The following WDR53 variants were observed in gnomAD, a reference collection of about 807,000 sequenced individuals.
WDR53 encodes WD repeat-containing protein 53.
In WDR53, 19 loss-of-function variants were observed where a neutral mutation model predicts 21.3. That is an observed-to-expected ratio of 0.89 (90% CI 0.62 to 1.31). The LOEUF is 1.31. Ranked by LOEUF, WDR53 falls within the 50% of genes most tolerant of loss-of-function variation. The pLI is 0.00. For synonymous variants in WDR53, 157 were observed against 163.4 expected (o/e 0.96, Z 0.30); for missense variants, 374 against 423.2 (o/e 0.88, Z 1.02).
Position 196,561,413 on chromosome 3 carries a change from T to C in WDR53, c.63A>G (p.Glu21=). Residue 21 remains glutamate, a synonymous_variant, in exon 3 of 4, where the codon GAA becomes GAG. Coordinates refer to ENST00000332629, the MANE Select transcript of WDR53 (RefSeq NM_182627.3). ...CCTCTGCTCCAGAAGCCAGCAGCCC[T>C]TCTTTACTTGCATTCAGGCAGAGGA... ...SPVLCLNASK[E]GLLASGAEGG... The C allele has an allele frequency of 6.2e-7, 1 of 1,614,098 alleles. No homozygotes were observed. Among genetic ancestry groups the C allele is most frequent in the Non-Finnish European group, 8.5e-7 (1 of 1,180,008 alleles).
At chr3:196,567,570 AGTT>A (rs1156689118) in intron 1 of WDR53, among the ~76,000 whole-genome samples, 1 of 152,072 alleles carries the variant, frequency 6.6e-6, no homozygotes, top group African/African-American at 2.4e-5. Context: ...CAGCTCATGG[AGTT>A]GTTTTGAGGA....
Position 196,561,220 on chromosome 3 carries a change from A to C in WDR53, c.256T>G (p.Ser86Ala). 1 of 1,614,220 alleles carries C rather than the reference A, an allele frequency of 6.2e-7. No individual in the cohort carries two copies. The highest frequency in any genetic ancestry group is 8.5e-7 in the Non-Finnish European group (1 of 1,180,048). Residue 86 changes from serine (S) to alanine (A), a missense_variant, in exon 3 of 4, where the codon TCC becomes GCC. Ser to Ala is a moderately conservative substitution (Grantham distance 99, BLOSUM62 1). Transcript: ENST00000332629. ...TCATTCACATGAAAATGGTCCAAGG[A>C]ATCTTTGAGGGACCTGACATCCAGT... ...SVLDVRSLKD[S>A]LDHFHVNEEE...
chr3:196,561,381 T>C lies in WDR53; in HGVS notation c.95A>G (p.Asp32Gly). ...GLLASGAEGG[D>G]LTAWGEDGTP... The stretch of plus-strand genomic sequence containing the variant: ...TCCATCTTCACCCCAAGCCGTGAGA[T>C]CTCCGCCCTCTGCTCCAGAAGCCAG... Residue 32 changes from aspartate to glycine, a missense_variant, in exon 3 of 4, where the codon GAT becomes GGT. Asp to Gly is a moderately conservative substitution (Grantham distance 94). Coordinates refer to ENST00000332629, the MANE Select transcript of WDR53 (RefSeq NM_182627.3). 6.2e-7 allele frequency: 1 copy of C among 1,613,960 alleles called. No homozygotes were observed. The highest frequency in any genetic ancestry group is 8.5e-7 in the Non-Finnish European group (1 of 1,179,986).
At chr3:196,568,467 G>C (rs1735656814) in intron 1 of WDR53, 52 bp downstream of exon 1, 1 of 152,886 alleles carries the variant, frequency 6.5e-6, no homozygotes. Context: ...CTGGAAAACA[G>C]CATCGAAGTC....
At chr3:196,555,141 A>T (rs1734217114) in intron 3 of WDR53, among the ~76,000 whole-genome samples, 1 of 152,192 alleles carries the variant, frequency 6.6e-6, no homozygotes, top group South Asian at 2.1e-4. Context: ...AGATTATCAA[A>T]TTTGCTAGTT....
At chr3:196,561,571 T>C in intron 2 of WDR53, 80 bp from the exon 3 acceptor site, 2 of 1,357,160 alleles carry the variant, frequency 1.5e-6, no homozygotes, top group Non-Finnish European at 1.9e-6. Context: ...ATAAACAATA[T>C]TTCATCTTTT....
Position 196,554,738 on chromosome 3 carries a change from C to A in WDR53, c.550G>T (p.Glu184Ter). The change falls in exon 4 of 4, where the codon GAA (glutamate) becomes TAA (stop). Residue 184 changes from glutamate (E) to a stop codon, truncating the protein, a stop_gained. Transcript: ENST00000332629. LOFTEE classifies it high-confidence loss of function. The part of the protein sequence containing the change: ...ITNLQEDETE[E>*]MEGPQSPGQL... ...CCAGGTGACTGTGGGCCTTCCATTT[C>A]TTCTGTTTCATCCTCCTGTAAATTT... The A allele has an allele frequency of 6.2e-7, 1 of 1,614,174 alleles. No individual in the cohort carries two copies. The highest frequency in any genetic ancestry group is 8.5e-7 in the Non-Finnish European group (1 of 1,180,028).
rs1734842783 is a variant in WDR53 at position 196,561,357 on chromosome 3, C to T, written c.119G>A (p.Gly40Glu). ...GAACCGCGTGTGTCCTAATGGAGTT[C>T]CATCTTCACCCCAAGCCGTGAGATC... ...GGDLTAWGED[G>E]TPLGHTRFQG... The change falls in exon 3 of 4, where the codon GGA (glycine) becomes GAA (glutamate). Residue 40 changes from glycine to glutamate, a missense_variant. Transcript: ENST00000332629. 1.9e-6 allele frequency: 3 copies of T among 1,613,940 alleles called. No homozygotes were observed. Among genetic ancestry groups the T allele is most frequent in the East Asian group, 2.2e-5 (1 of 44,890 alleles).
chr3:196,558,902 T>A (rs1310830042), intron 3 of WDR53, among the ~76,000 whole-genome samples: 1 of 152,256 alleles, frequency 6.6e-6, no homozygotes, highest in Non-Finnish European at 1.5e-5. Context: ...TTAGCAATTT[T>A]ACCAGGCAAA....
chr3:196,556,765 C>T (rs1734358586), intron 3 of WDR53, among the ~76,000 whole-genome samples: 2 of 152,114 alleles, frequency 1.3e-5, no homozygotes, highest in African/African-American at 4.8e-5. Flanking sequence ...TCATACAGCC[C>T]TTATGAATGG....
At position 196,557,587 on chromosome 3, in the gene WDR53, T is replaced by C. The variant is rs4916522; in HGVS notation, c.481-2780A>G. Among the ~76,000 whole-genome samples, 1,461 of 152,274 alleles carry C rather than the reference T, an allele frequency of 9.6e-3. 55 individuals carry two copies. The highest frequency in any genetic ancestry group is 0.068 in the South Asian group (328 of 4,830). ...TCTCTACCATCCTGGTCTGTAAGTG[T>C]TGGGATTTTGGTTTTAAAAATCCAG... On this transcript the variant is annotated intron_variant, in intron 3 of 3. Coordinates refer to ENST00000332629, the MANE Select transcript of WDR53 (RefSeq NM_182627.3).
At chr3:196,564,535 A>AT (rs998583505) in intron 2 of WDR53, among the ~76,000 whole-genome samples, 5 of 148,972 alleles carry the variant, frequency 3.4e-5, no homozygotes, top group African/African-American at 9.9e-5. Context: ...AATTTTTTGT[A>AT]TTTTTTTTGT....
At chr3:196,560,312 G>A (rs560344028) in intron 3 of WDR53, among the ~76,000 whole-genome samples, 3 of 149,292 alleles carry the variant, frequency 2.0e-5, no homozygotes, top group East Asian at 3.9e-4. Flanking sequence ...GCATGATCTC[G>A]GCTCACTGCA....
chr3:196,566,246 C>T (rs929789432), intron 2 of WDR53, among the ~76,000 whole-genome samples: 5 of 151,714 alleles, frequency 3.3e-5, no homozygotes, highest in African/African-American at 1.2e-4. Context: ...TGCACCACCA[C>T]GCCCAGCTAA....
intron 2 of WDR53, among the ~76,000 whole-genome samples, chr3:196,565,615 G>C (rs569192981): frequency 6.6e-6 from 1 of 152,158 alleles, no homozygotes; most frequent in South Asian, 2.1e-4. Context: ...AAACTCTGAG[G>C]CTATTAATTT....
chr3:196,564,762 T>A (rs1325454982), intron 2 of WDR53, among the ~76,000 whole-genome samples: 1 of 152,226 alleles, frequency 6.6e-6, no homozygotes, highest in Non-Finnish European at 1.5e-5. Flanking sequence ...GTCTGTACTC[T>A]AGAGCATTAA....
chr3:196,554,259 T>C lies in WDR53; in HGVS notation c.1029A>G (p.Val343=). Residue 343 remains valine, a synonymous_variant, in exon 4 of 4, where the codon GTA becomes GTG. Transcript: ENST00000332629. ...TKIKGHQNIL[V]ADQTSCISVY... Reference sequence around the variant, plus strand: ...CAGATATACAACTAGTTTGATCAGCTACTAATATATTTTGGTGTCCCTTTA... The same window carrying C: ...CAGATATACAACTAGTTTGATCAGCCACTAATATATTTTGGTGTCCCTTTA... 1 of 1,614,062 alleles carries C rather than the reference T, an allele frequency of 6.2e-7. No homozygotes were observed. The highest frequency in any genetic ancestry group is 8.5e-7 in the Non-Finnish European group (1 of 1,179,956).
chr3:196,557,684 T>C (rs530575192), intron 3 of WDR53, among the ~76,000 whole-genome samples: 9 of 152,264 alleles, frequency 5.9e-5, no homozygotes, highest in Admixed American at 5.2e-4. Flanking sequence ...TCAACATGTA[T>C]GCTACAGAAA....
In WDR53 at chr3:196,556,064, A is replaced by T. The variant is rs191270713; in HGVS notation, c.481-1257T>A. On this transcript the variant is annotated intron_variant, in intron 3 of 3. Coordinates refer to ENST00000332629, the MANE Select transcript of WDR53 (RefSeq NM_182627.3). ...TGATATGAAAATAGTTTTTTTTTTA[A>T]AAATAGGGTCTCACTTTGTCACCCA... Among the ~76,000 whole-genome samples the T allele has an allele frequency of 2.6e-3, 383 of 149,966 alleles. 3 individuals are homozygous for T. Among genetic ancestry groups the T allele is most frequent in the African/African-American group, 7.0e-3 (287 of 40,960 alleles).
Sources: gnomAD v4.1 joint callset for allele counts (sites outside exome capture counted in the v4.1 genomes callset) on GRCh38, gnomAD v4.1.1 for gene constraint, MANE v1.5 for transcripts, NCBI Gene and HGNC (gene_info 2026-07-23, HGNC 2026-07-21) for gene names.